CCDC149: variants seen among roughly 807,000 people sequenced by gnomAD.
CCDC149 encodes the protein coiled-coil domain-containing protein 149.
CCDC149 carries 45 observed loss-of-function variants against 59.9 expected under a neutral mutation model. The observed-to-expected ratio is 0.75, with a 90% confidence interval of 0.59 to 0.96. The LOEUF is 0.96. Among genes scored for constraint, CCDC149 ranks in the 40% least tolerant of loss-of-function variants. The pLI is 0.00. For missense variants in CCDC149, 584 were observed against 664.7 expected, an observed-to-expected ratio of 0.88 and a Z score of 1.33; for synonymous variants, 245 against 260.6, an observed-to-expected ratio of 0.94 and a Z score of 0.58.
At chr4:24,898,673 G>A (rs1255665831) in intron 1 of CCDC149, among the ~76,000 whole-genome samples, 1 of 152,100 alleles carries the variant, frequency 6.6e-6, no homozygotes, top group African/African-American at 2.4e-5. Context: ...ACCATTCTGA[G>A]GACCCCCATC....
At chr4:24,897,868 T>C (rs1456536336) in intron 1 of CCDC149, among the ~76,000 whole-genome samples, 1 of 152,198 alleles carries the variant, frequency 6.6e-6, no homozygotes, top group Non-Finnish European at 1.5e-5. Context: ...GCAGCCTGCA[T>C]GCATGCTGCA....
intron 1 of CCDC149, among the ~76,000 whole-genome samples, chr4:24,919,296 G>A: frequency 6.6e-6 from 1 of 152,152 alleles, no homozygotes; most frequent in East Asian, 1.9e-4. Flanking sequence ...TTTTGGAGTA[G>A]ATAGCCATGT....
intron 1 of CCDC149, chr4:24,979,922 T>G (rs1457211167): frequency 6.6e-6 from 1 of 152,186 alleles, no homozygotes; most frequent in Non-Finnish European, 1.5e-5. Context: ...AAAATCGGCT[T>G]AAAAGGCTTC....
At chr4:24,926,729 C>T (rs1438130786) in intron 1 of CCDC149, among the ~76,000 whole-genome samples, 1 of 152,178 alleles carries the variant, frequency 6.6e-6, no homozygotes, top group Admixed American at 6.5e-5. Flanking sequence ...CTTGTCTCTG[C>T]CCTGTTTAGG....
upstream of CCDC149, among the ~76,000 whole-genome samples, chr4:24,916,864 G>A (rs1347851779): frequency 1.3e-5 from 2 of 150,740 alleles, no homozygotes; most frequent in Non-Finnish European, 3.0e-5. Flanking sequence ...AGCCAGGAGG[G>A]CCATTTTGAC....
intron 8 of CCDC149, among the ~76,000 whole-genome samples, chr4:24,833,720 ATTT>A (rs1054614994): frequency 6.6e-6 from 1 of 152,194 alleles, no homozygotes; most frequent in Non-Finnish European, 1.5e-5. Flanking sequence ...TGTTTTCAAT[ATTT>A]TTTATTATAA....
In CCDC149 at chr4:24,886,693, A is replaced by G. The variant is rs545985237; in HGVS notation, c.64-9996T>C. Among the ~76,000 whole-genome samples the G allele has an allele frequency of 1.4e-4, 21 of 152,302 alleles. No individual in the cohort carries two copies. In the South Asian group the frequency reaches 1.7e-3, roughly 12 times the overall value. On this transcript the variant is annotated intron_variant, in intron 1 of 12. Transcript: ENST00000635206. ...TTGAAAAATAAATGGTGATCATTCAATAATAATCCTTTTACTTTAACCTCT... is the reference window on the plus strand; with the variant it reads ...TTGAAAAATAAATGGTGATCATTCAGTAATAATCCTTTTACTTTAACCTCT...
chr4:24,872,723 G>A (rs558582490), intron 3 of CCDC149, among the ~76,000 whole-genome samples: 47 of 125,516 alleles, frequency 3.7e-4, no homozygotes, highest in African/African-American at 1.1e-3. Flanking sequence ...GCATGCACCC[G>A]CCAAATGGTA....
At chr4:24,951,392 C>G (rs1723287739) in intron 1 of CCDC149, among the ~76,000 whole-genome samples, 1 of 152,080 alleles carries the variant, frequency 6.6e-6, no homozygotes, top group Admixed American at 6.5e-5. Flanking sequence ...CATAGTCAGT[C>G]ATAGAGGTAA....
chr4:24,949,444 G>T (rs1327984162), intron 1 of CCDC149, among the ~76,000 whole-genome samples: 1 of 151,404 alleles, frequency 6.6e-6, no homozygotes, highest in Non-Finnish European at 1.5e-5. Context: ...GGCAGGGAGG[G>T]GGGGTGGTGG....
At chr4:24,965,429 A>G (rs988846090) in intron 1 of CCDC149, among the ~76,000 whole-genome samples, 4 of 151,918 alleles carry the variant, frequency 2.6e-5, no homozygotes, top group Non-Finnish European at 2.9e-5. Context: ...AAAAGATTCA[A>G]GTCATGCCAA....
At chr4:24,903,024 C>CAAAAAAAA (rs10646050) in intron 1 of CCDC149, among the ~76,000 whole-genome samples, 789 of 52,280 alleles carry the variant, frequency 0.015, 22 homozygotes, top group Non-Finnish European at 0.017. Context: ...GAGTCTAACT[C>CAAAAAAAA]AAAAAAAAAA....
chr4:24,969,748 C>A (rs1444369068), intron 1 of CCDC149, among the ~76,000 whole-genome samples: 1 of 152,188 alleles, frequency 6.6e-6, no homozygotes, highest in Non-Finnish European at 1.5e-5. Flanking sequence ...TGGTAACCTG[C>A]TGGTGGCTGC....
intron 1 of CCDC149, among the ~76,000 whole-genome samples, chr4:24,928,362 G>A (rs938533783): frequency 5.3e-5 from 8 of 152,184 alleles, no homozygotes; most frequent in South Asian, 2.1e-4. Context: ...AGAAGATGGC[G>A]AAGGGGAGGA....
At chr4:24,890,172 C>T (rs1325697262) in intron 1 of CCDC149, among the ~76,000 whole-genome samples, 1 of 152,214 alleles carries the variant, frequency 6.6e-6, no homozygotes, top group Non-Finnish European at 1.5e-5. Flanking sequence ...GCCACTCCCC[C>T]ACTCTGTGCT....
Position 24,831,685 on chromosome 4 carries a change from A to G in CCDC149, c.821-35T>C, listed in dbSNP as rs534560372. 10 of 1,593,540 alleles carry G rather than the reference A, an allele frequency of 6.3e-6. No individual in the cohort carries two copies. In the South Asian group the frequency reaches 1.0e-4, roughly 16 times the overall value. ...ATACAAAATGTATAACTCAGTCGTC[A>G]TTCTTCTGAAACGCTGGAATGCAAA... On this transcript the variant is annotated intron_variant, in intron 8 of 12. Coordinates refer to ENST00000635206, the MANE Select transcript of CCDC149 (RefSeq NM_001330643.2).
At chr4:24,928,664 G>A (rs565186250) in intron 1 of CCDC149, among the ~76,000 whole-genome samples, 1 of 152,226 alleles carries the variant, frequency 6.6e-6, no homozygotes, top group East Asian at 1.9e-4. Context: ...TGCTTGGAAT[G>A]CTCTTCCAGA....
At chr4:24,854,842 C>CT (rs1167638798) in intron 3 of CCDC149, among the ~76,000 whole-genome samples, 9 of 152,182 alleles carry the variant, frequency 5.9e-5, no homozygotes, top group Non-Finnish European at 1.3e-4. Context: ...CCTATTCTCT[C>CT]TGTTTAGAAT....
In CCDC149 at chr4:24,892,949, C is replaced by G. The variant is rs149957367; in HGVS notation, c.64-16252G>C. Among the ~76,000 whole-genome samples the G allele has an allele frequency of 4.1e-3, 624 of 152,220 alleles. 3 individuals are homozygous for G. Among genetic ancestry groups the G allele is most frequent in the African/African-American group, 0.014 (599 of 41,536 alleles). ...ATGACACAAATGAGGGAAGGCATCC[C>G]ATAGTGAGTAAGCACTCCAGACAGA... On this transcript the variant is annotated intron_variant, in intron 1 of 12. Transcript: ENST00000635206.
Sources: gnomAD v4.1 joint callset for allele counts (sites outside exome capture counted in the v4.1 genomes callset) on GRCh38, gnomAD v4.1.1 for gene constraint, MANE v1.5 for transcripts, NCBI Gene and HGNC (gene_info 2026-07-23, HGNC 2026-07-21) for gene names.